The following DCLK1 variants were observed in gnomAD, a reference collection of about 807,000 sequenced individuals.
The protein encoded by DCLK1 is serine/threonine-protein kinase DCLK1.
Under a neutral mutation model 86.2 loss-of-function variants are expected in DCLK1, and 16 were observed. The observed-to-expected ratio is 0.19, with a 90% confidence interval of 0.13 to 0.28. DCLK1 has a LOEUF of 0.28. Ranked by LOEUF, DCLK1 falls within the 10% of genes least tolerant of loss-of-function variation. The probability of loss-of-function intolerance (pLI) is 1.00; values close to 1 mark genes in which losing one functional copy is unlikely to be tolerated. For synonymous variants in DCLK1, 369 were observed against 370.5 expected, an observed-to-expected ratio of 1.00 and a Z score of 0.05; for missense variants, 590 against 940.2, an observed-to-expected ratio of 0.63 and a Z score of 4.87.
At chr13:35,791,471 G>GA (rs1013249312) in intron 16 of DCLK1, among the ~76,000 whole-genome samples, 35 of 147,588 alleles carry the variant, frequency 2.4e-4, no homozygotes, top group South Asian at 4.3e-4. Flanking sequence ...TGACATTTAG[G>GA]AAAAAAAAAA....
intron 4 of DCLK1, among the ~76,000 whole-genome samples, chr13:35,881,257 A>G (rs776606325): frequency 6.6e-6 from 1 of 152,194 alleles, no homozygotes; most frequent in Non-Finnish European, 1.5e-5. Flanking sequence ...ATTAGCCAGG[A>G]CTTAATAAGT....
At chr13:35,853,264 G>C (rs867754192) in intron 6 of DCLK1, among the ~76,000 whole-genome samples, 2 of 152,196 alleles carry the variant, frequency 1.3e-5, no homozygotes, top group Non-Finnish European at 2.9e-5. Context: ...CTGGAAAGAG[G>C]CTCCTTGTTT....
chr13:35,888,734 A>G (rs2097416141), intron 4 of DCLK1, among the ~76,000 whole-genome samples: 1 of 152,246 alleles, frequency 6.6e-6, no homozygotes, highest in Admixed American at 6.5e-5. Flanking sequence ...GCCCTCAGCC[A>G]TCAAACAAAT....
chr13:35,849,176 TG>T, intron 6 of DCLK1: 5 of 985,368 alleles, frequency 5.1e-6, no homozygotes, highest in Non-Finnish European at 6.0e-6. Flanking sequence ...TTCTTTTGGT[TG>T]GAATATTTTA....
At chr13:36,098,275 A>G (rs1885083836) in intron 3 of DCLK1, among the ~76,000 whole-genome samples, 1 of 152,246 alleles carries the variant, frequency 6.6e-6, no homozygotes, top group Non-Finnish European at 1.5e-5. Flanking sequence ...AAATGTTTCC[A>G]GCTGTTGTAA....
rs534625043 is a variant in DCLK1 at position 35,794,711 on chromosome 13, C to T, written c.1945-1232G>A. ...TCTTTTCTTCGTAACTTGGGTCTAA[C>T]GGGCCTGTTCCAAGGCATTTATCCC... On this transcript the variant is annotated intron_variant, in intron 15 of 16. Transcript: ENST00000360631. 6.6e-5 allele frequency among the ~76,000 whole-genome samples: 10 copies of T among 152,322 alleles called. No homozygotes were observed. The East Asian group carries it at 1.2e-3, about 18-fold the overall frequency.
intron 4 of DCLK1, among the ~76,000 whole-genome samples, chr13:35,901,398 G>A (rs892881095): frequency 7.2e-6 from 1 of 139,392 alleles, no homozygotes; most frequent in Non-Finnish European, 1.5e-5. Flanking sequence ...GCAGAGACAG[G>A]AGAATTGCTT....
At chr13:36,093,237 A>C (rs1031494866) in intron 3 of DCLK1, among the ~76,000 whole-genome samples, 20 of 152,230 alleles carry the variant, frequency 1.3e-4, no homozygotes, top group African/African-American at 4.3e-4. Context: ...TATTTGCAAC[A>C]GATTGGCAAA....
At chr13:36,099,477 T>G (rs146808970) in intron 3 of DCLK1, among the ~76,000 whole-genome samples, 1 of 152,158 alleles carries the variant, frequency 6.6e-6, no homozygotes, top group Non-Finnish European at 1.5e-5. Context: ...GTTTCTCTAG[T>G]AATGAAACTT....
At chr13:35,923,196 A>G (rs1463197260) in intron 4 of DCLK1, among the ~76,000 whole-genome samples, 1 of 152,106 alleles carries the variant, frequency 6.6e-6, no homozygotes, top group Non-Finnish European at 1.5e-5. Flanking sequence ...GTGCACTGAA[A>G]TAAAGGATTG....
chr13:36,079,896 T>G (rs1224904176), intron 3 of DCLK1, among the ~76,000 whole-genome samples: 1 of 152,162 alleles, frequency 6.6e-6, no homozygotes, highest in Non-Finnish European at 1.5e-5. Context: ...GAGCCAAATA[T>G]GTTAGATTCT....
chr13:35,829,032 T>C (rs937014074), intron 8 of DCLK1, among the ~76,000 whole-genome samples: 1 of 152,130 alleles, frequency 6.6e-6, no homozygotes, highest in Non-Finnish European at 1.5e-5. Context: ...CCCTGGGCCC[T>C]TTTATGGGCT....
Position 36,050,013 on chromosome 13 carries a change from C to T in DCLK1, c.723+61856G>A, listed in dbSNP as rs541767402. Among the ~76,000 whole-genome samples, 18 of 152,272 alleles carry T rather than the reference C, an allele frequency of 1.2e-4. No individual in the cohort carries two copies. The East Asian group carries it at 2.7e-3, about 23-fold the overall frequency. On this transcript the variant is annotated intron_variant, in intron 3 of 16. Transcript: ENST00000360631. Reference sequence around the variant, plus strand: ...CTCCATGACATCCATAGCTAATTTACAGCTACCAAGTGTTTAACAACTGGC... The same window carrying T: ...CTCCATGACATCCATAGCTAATTTATAGCTACCAAGTGTTTAACAACTGGC...
At chr13:36,101,328 A>T (rs1885210747) in intron 3 of DCLK1, among the ~76,000 whole-genome samples, 1 of 152,186 alleles carries the variant, frequency 6.6e-6, no homozygotes, top group South Asian at 2.1e-4. Context: ...CAGCCCACTG[A>T]GGCTAGATTG....
At chr13:35,976,525 G>GTTTTTTTTTTTTTTGTTTTTTTTTTT (rs1879343380) in intron 3 of DCLK1, among the ~76,000 whole-genome samples, 1 of 56,350 alleles carries the variant, frequency 1.8e-5, no homozygotes, top group Non-Finnish European at 3.3e-5. Context: ...CTTCTCCGAG[G>GTTTTTTTTTTTTTTGTTTTTTTTTTT]TTTTTTTTTT....
intron 3 of DCLK1, among the ~76,000 whole-genome samples, chr13:36,046,082 A>C (rs1293694942): frequency 6.6e-6 from 1 of 152,096 alleles, no homozygotes. Context: ...TAAAAAAAAA[A>C]CCTAAATGTT....
chr13:35,918,640 G>T (rs1384765565), intron 4 of DCLK1, among the ~76,000 whole-genome samples: 1 of 152,100 alleles, frequency 6.6e-6, no homozygotes, highest in Non-Finnish European at 1.5e-5. Context: ...ACTACTGGGT[G>T]CGAGGTACTG....
At chr13:35,787,162 A>C (rs2086638923) in intron 16 of DCLK1, among the ~76,000 whole-genome samples, 1 of 151,892 alleles carries the variant, frequency 6.6e-6, no homozygotes, top group African/African-American at 2.4e-5. Context: ...ACACATACAT[A>C]TATATTTTAA....
intron 4 of DCLK1, among the ~76,000 whole-genome samples, chr13:35,904,664 A>G (rs560277850): frequency 1.3e-5 from 2 of 152,342 alleles, no homozygotes; most frequent in East Asian, 3.9e-4. Context: ...GGGCTGGACA[A>G]CGATGGAGAG....
Sources: gnomAD v4.1 joint callset for allele counts (sites outside exome capture counted in the v4.1 genomes callset) on GRCh38, gnomAD v4.1.1 for gene constraint, MANE v1.5 for transcripts, NCBI Gene and HGNC (gene_info 2026-07-23, HGNC 2026-07-21) for gene names.